The following LINGO2 variants were observed in gnomAD, a reference collection of about 807,000 sequenced individuals.
LINGO2 encodes the protein leucine rich repeat and Ig domain containing 2.
Under a neutral mutation model 30.6 loss-of-function variants are expected in LINGO2, and 14 were observed. The ratio of observed to expected loss-of-function variants is 0.46; its 90% CI spans 0.30 to 0.72. The LOEUF (loss-of-function observed/expected upper bound fraction) is 0.72. Ranked by LOEUF, LINGO2 falls within the 30% of genes least tolerant of loss-of-function variation. LINGO2 has a pLI of 0.07. For missense variants in LINGO2, 729 were observed against 751.7 expected, an observed-to-expected ratio of 0.97 and a Z score of 0.35; for synonymous variants, 317 against 288.5, an observed-to-expected ratio of 1.10 and a Z score of -1.00.
intron 4 of LINGO2, among the ~76,000 whole-genome samples, chr9:28,032,176 C>T (rs1196441007): frequency 1.3e-5 from 2 of 151,892 alleles, no homozygotes; most frequent in Admixed American, 6.6e-5. Flanking sequence ...TGGGCATTCA[C>T]AATTCCACAC....
the LINGO2 span, among the ~76,000 whole-genome samples, chr9:28,993,632 ACCG>A: frequency 6.6e-6 from 1 of 150,440 alleles, no homozygotes; most frequent in Non-Finnish European, 1.5e-5. Flanking sequence ...ATACTAGCAA[ACCG>A]AATCCAGCAG....
intron 4 of LINGO2, among the ~76,000 whole-genome samples, chr9:28,031,614 T>C (rs536189523): frequency 6.6e-6 from 1 of 152,276 alleles, no homozygotes; most frequent in East Asian, 1.9e-4. Context: ...GTGGGGACAG[T>C]CTGGTGTCTG....
At chr9:29,056,940 G>C in the LINGO2 span, among the ~76,000 whole-genome samples, 1 of 152,142 alleles carries the variant, frequency 6.6e-6, no homozygotes, top group East Asian at 1.9e-4. Flanking sequence ...CTGTTCCGTT[G>C]GTCTATGTGT....
Position 28,238,102 on chromosome 9 carries a change from A to G in LINGO2, c.-87+57106T>C, listed in dbSNP as rs563056046. 3.5e-3 allele frequency among the ~76,000 whole-genome samples: 529 copies of G among 152,210 alleles called. 4 individuals are homozygous for G. Among genetic ancestry groups the G allele is most frequent in the African/African-American group, 0.012 (499 of 41,542 alleles). On this transcript the variant is annotated intron_variant, in intron 4 of 5. Transcript: ENST00000379992. ...ATACAACAATTTTAAATATATATGC[A>G]TCCAACACTGCAGCACCCAGATATA...
the LINGO2 span, among the ~76,000 whole-genome samples, chr9:28,680,478 G>A: frequency 6.6e-6 from 1 of 152,048 alleles, no homozygotes; most frequent in East Asian, 1.9e-4. Context: ...TATATACCCA[G>A]TAGTAGGATA....
intron 1 of LINGO2, among the ~76,000 whole-genome samples, chr9:28,644,539 G>T (rs1161612086): frequency 6.6e-6 from 1 of 151,638 alleles, no homozygotes; most frequent in Non-Finnish European, 1.5e-5. Context: ...AGGGTAGTAG[G>T]GGGAGGGTAG....
intron 3 of LINGO2, among the ~76,000 whole-genome samples, chr9:28,310,198 C>T (rs1216707497): frequency 6.6e-6 from 1 of 152,128 alleles, no homozygotes; most frequent in Non-Finnish European, 1.5e-5. Flanking sequence ...TATTTACTCA[C>T]AAGAAATGGA....
the LINGO2 span, among the ~76,000 whole-genome samples, chr9:29,005,102 G>A: frequency 3.4e-3 from 517 of 151,976 alleles, 2 homozygotes; most frequent in African/African-American, 0.012. Flanking sequence ...TTATCATGAT[G>A]GTGAATATAT....
chr9:29,006,499 T>G, the LINGO2 span, among the ~76,000 whole-genome samples: 1 of 152,056 alleles, frequency 6.6e-6, no homozygotes, highest in African/African-American at 2.4e-5. Context: ...CTGGTACCAG[T>G]ATCTTATCAG....
chr9:27,949,168 C>T (rs1823495814), exon 6 of LINGO2: 1 of 1,614,116 alleles, frequency 6.2e-7, no homozygotes, highest in South Asian at 1.1e-5. Context: ...GAAGCGAATC[C>T]TTTCACAGTT....
the LINGO2 span, among the ~76,000 whole-genome samples, chr9:28,802,807 A>G: frequency 2.0e-5 from 3 of 152,024 alleles, no homozygotes; most frequent in Non-Finnish European, 1.5e-5. Flanking sequence ...TCTTCTTTCA[A>G]TCTGTTGCTA....
At chr9:28,236,169 G>C (rs1821557261) in intron 4 of LINGO2, among the ~76,000 whole-genome samples, 1 of 152,062 alleles carries the variant, frequency 6.6e-6, no homozygotes. Context: ...GGCCATGAGA[G>C]AGTGAAATGA....
intron 2 of LINGO2, among the ~76,000 whole-genome samples, chr9:28,434,392 T>C (rs1041088366): frequency 8.6e-5 from 13 of 151,194 alleles, no homozygotes; most frequent in African/African-American, 2.9e-4. Flanking sequence ...ACTGAGAACA[T>C]TATTCAGATA....
At chr9:29,072,961 C>A in the LINGO2 span, among the ~76,000 whole-genome samples, 1 of 150,346 alleles carries the variant, frequency 6.7e-6, no homozygotes, top group Non-Finnish European at 1.5e-5. Flanking sequence ...CCCCTCCTTC[C>A]CTCCCTCCAT....
At chr9:28,691,512 C>T in the LINGO2 span, among the ~76,000 whole-genome samples, 1 of 152,066 alleles carries the variant, frequency 6.6e-6, no homozygotes, top group South Asian at 2.1e-4. Flanking sequence ...GCAAGCAAAA[C>T]CTTATATCAT....
In LINGO2 at chr9:28,226,626, GGAAAGAAGGAAAGAAGGAAAGAAAGAAA is replaced by G. The variant is rs1245840837; in HGVS notation, c.-87+68554_-87+68581del. On this transcript the variant is annotated intron_variant, in intron 4 of 5. Coordinates refer to ENST00000379992, the Ensembl canonical transcript of LINGO2. ...AAAGAAAAAGGTAAGAAGGAAAGAA[GGAAAGAAGGAAAGAAGGAAAGAAAGAAA>G]GAAAGAAAGAAAGAAAGAAAGAAAG... is the stretch of plus-strand genomic sequence containing the variant. 1.3e-3 allele frequency among the ~76,000 whole-genome samples: 122 copies of G among 90,862 alleles called. 2 individuals carry two copies. Among genetic ancestry groups the G allele is most frequent in the South Asian group, 0.012 (28 of 2,282 alleles). The allele number at this position is 90,862 out of a possible 152,430, so 59.6% of individuals were successfully genotyped here.
At chr9:28,829,202 T>TA in the LINGO2 span, among the ~76,000 whole-genome samples, 2 of 152,164 alleles carry the variant, frequency 1.3e-5, no homozygotes, top group African/African-American at 4.8e-5. Flanking sequence ...AGAGTCCTAC[T>TA]AGAGATGGCT....
chr9:28,387,335 T>C (rs1443247451), intron 2 of LINGO2, among the ~76,000 whole-genome samples: 1 of 152,184 alleles, frequency 6.6e-6, no homozygotes, highest in African/African-American at 2.4e-5. Flanking sequence ...TGGCGCTCTG[T>C]GTCTAGCTAA....
intron 1 of LINGO2, among the ~76,000 whole-genome samples, chr9:28,604,060 A>T (rs957601604): frequency 2.6e-5 from 4 of 151,976 alleles, no homozygotes; most frequent in African/African-American, 9.7e-5. Context: ...TAAACCATGC[A>T]AATTCTCTAT....
Sources: gnomAD v4.1 joint callset for allele counts (sites outside exome capture counted in the v4.1 genomes callset) on GRCh38, gnomAD v4.1.1 for gene constraint, MANE v1.5 for transcripts, NCBI Gene and HGNC (gene_info 2026-07-23, HGNC 2026-07-21) for gene names.